The following WDR17 variants were observed in gnomAD, a reference collection of about 807,000 sequenced individuals.
WDR17 encodes the protein WD repeat domain 17, also known as WD repeat-containing protein 17.
WDR17 carries 143 observed loss-of-function variants against 161.7 expected under a neutral mutation model. That is an observed-to-expected ratio of 0.88 (90% CI 0.77 to 1.02). The LOEUF (loss-of-function observed/expected upper bound fraction) is 1.02. Ranked by LOEUF, WDR17 falls within the 50% of genes least tolerant of loss-of-function variation. The pLI, the probability that WDR17 is intolerant of heterozygous loss-of-function variation, is 0.00. For missense variants in WDR17, 1,469 were observed against 1,520.9 expected (o/e 0.97, Z 0.57); for synonymous variants, 517 against 515.6 (o/e 1.00, Z -0.04).
At position 176,125,200 on chromosome 4, in the gene WDR17, C is replaced by G. The variant is rs1449171828; in HGVS notation, c.635C>G (p.Thr212Ser). Residue 212 changes from threonine (T) to serine (S), a missense_variant, in exon 5 of 29, where the codon ACT becomes AGT. By Grantham distance (58) the Thr-to-Ser change is moderately conservative. Coordinates refer to ENST00000508596, the MANE Select transcript of WDR17 (RefSeq NM_181265.4). ...VTALEWDPLSTDYLLVVNLHY... is the reference protein window; with the variant it reads ...VTALEWDPLSSDYLLVVNLHY... ...GCCTTGGAATGGGACCCACTATCTACTGATTATCTTCTAGTGGTTAATTTG... is the reference window on the plus strand; with the variant it reads ...GCCTTGGAATGGGACCCACTATCTAGTGATTATCTTCTAGTGGTTAATTTG... The G allele has an allele frequency of 6.2e-7, 1 of 1,614,180 alleles. No homozygotes were observed. The highest frequency in any genetic ancestry group is 1.1e-5 in the South Asian group (1 of 91,090).
intron 1 of WDR17, among the ~76,000 whole-genome samples, chr4:176,100,842 ATCCTT>A (rs1207210339): frequency 2.6e-5 from 4 of 152,022 alleles, no homozygotes; most frequent in African/African-American, 9.7e-5. Flanking sequence ...TGAAAAGGGT[ATCCTT>A]TCCTCACTCT....
At chr4:176,075,717 T>G (rs1219691818) in intron 1 of WDR17, among the ~76,000 whole-genome samples, 3 of 152,034 alleles carry the variant, frequency 2.0e-5, no homozygotes, top group Non-Finnish European at 4.4e-5. Flanking sequence ...TATAGAGGAG[T>G]GAGATCAGCA....
intron 16 of WDR17, among the ~76,000 whole-genome samples, chr4:176,150,942 A>T (rs928332974): frequency 6.6e-6 from 1 of 152,208 alleles, no homozygotes; most frequent in African/African-American, 2.4e-5. Flanking sequence ...GTTTTATAAT[A>T]AATGATCATA....
intron 1 of WDR17, among the ~76,000 whole-genome samples, chr4:176,104,266 A>G (rs531259936): frequency 1.6e-3 from 249 of 152,214 alleles, no homozygotes; most frequent in African/African-American, 5.5e-3. Context: ...GAAATGCTCA[A>G]GGAAGTTCTG....
intron 28 of WDR17, 77 bp downstream of exon 28, chr4:176,177,731 C>A: frequency 1.4e-6 from 2 of 1,444,448 alleles, no homozygotes; most frequent in Non-Finnish European, 1.9e-6. Context: ...TTAAAATAAG[C>A]CTAATTTGGA....
chr4:176,150,718 G>A (rs765831551), intron 16 of WDR17, 125 bp downstream of exon 16: 1 of 945,248 alleles, frequency 1.1e-6, no homozygotes, highest in Non-Finnish European at 1.5e-6. Context: ...GAACACTGAG[G>A]AGATCCATCT....
At chr4:176,094,131 T>C (rs1291332128) in intron 1 of WDR17, among the ~76,000 whole-genome samples, 2 of 152,218 alleles carry the variant, frequency 1.3e-5, no homozygotes, top group African/African-American at 4.8e-5. Flanking sequence ...ATTTCTTAAG[T>C]GATTTTGTTT....
At chr4:176,121,056 C>T (rs1213530715) in intron 4 of WDR17, among the ~76,000 whole-genome samples, 2 of 152,098 alleles carry the variant, frequency 1.3e-5, no homozygotes, top group African/African-American at 4.8e-5. Context: ...TCATATGCTT[C>T]TTCCCCAGCT....
chr4:176,073,740 A>G (rs1024682584), intron 1 of WDR17, among the ~76,000 whole-genome samples: 3 of 150,406 alleles, frequency 2.0e-5, no homozygotes, highest in African/African-American at 7.3e-5. Flanking sequence ...AAGTGTTCCT[A>G]TTTCTCCACA....
intron 1 of WDR17, among the ~76,000 whole-genome samples, chr4:176,097,326 T>G (rs1444789728): frequency 1.3e-5 from 2 of 151,962 alleles, no homozygotes; most frequent in Non-Finnish European, 2.9e-5. Flanking sequence ...TTTACTAGAT[T>G]TTTCACCACT....
intron 3 of WDR17, among the ~76,000 whole-genome samples, chr4:176,116,687 A>G (rs73018059): frequency 0.018 from 2,753 of 152,004 alleles, 93 homozygotes; most frequent in African/African-American, 0.062. Context: ...TAAATTTGAG[A>G]TATAAAACTG....
rs1234615965 is a variant in WDR17 at position 176,142,057 on chromosome 4, G to A, written c.1517G>A (p.Ser506Asn). 2.5e-6 allele frequency: 4 copies of A among 1,608,718 alleles called. No individual in the cohort carries two copies. The highest frequency in any genetic ancestry group is 3.4e-6 in the Non-Finnish European group (4 of 1,177,364). Residue 506 changes from serine to asparagine, a missense_variant, in exon 11 of 29, where the codon AGC (serine) becomes AAC (asparagine). Physicochemically the swap from Ser to Asn is conservative, Grantham distance 46. Transcript: ENST00000508596. ...HPAAVFGCDW[S>N]QNNKDMIATG... ...GCTGCAGTGTTTGGTTGTGATTGGA[G>A]CCAAAACAATAAGTAAGTGGTTTTT... is the stretch of plus-strand genomic sequence containing the variant.
At chr4:176,166,175 C>A (rs552011495) in intron 22 of WDR17, 3 of 751,004 alleles carry the variant, frequency 4.0e-6, no homozygotes, top group African/African-American at 3.6e-5. Flanking sequence ...AGAACACATT[C>A]CTTTAAAATG....
chr4:176,114,215 C>T lies in WDR17; in HGVS notation c.124-1581C>T, dbSNP rs144309472. 6.6e-4 allele frequency among the ~76,000 whole-genome samples: 101 copies of T among 152,028 alleles called. No homozygotes were observed. In the East Asian group the frequency reaches 0.018, roughly 27 times the overall value. ...GCTGAATAATTTAAAACTTAAAAACCTATTTATTCCTAAATGTATAGAAAA... is the reference window on the plus strand; with the variant it reads ...GCTGAATAATTTAAAACTTAAAAACTTATTTATTCCTAAATGTATAGAAAA... On this transcript the variant is annotated intron_variant, in intron 2 of 28. Coordinates refer to ENST00000508596, the MANE Select transcript of WDR17 (RefSeq NM_181265.4).
At chr4:176,177,803 G>A (rs1751662191) in intron 28 of WDR17, 149 bp downstream of exon 28, 2 of 690,070 alleles carry the variant, frequency 2.9e-6, no homozygotes, top group Non-Finnish European at 4.6e-6. Flanking sequence ...TGCTTCCATA[G>A]TTAGTACAAG....
At chr4:176,177,235 C>G (rs1751577485) in intron 27 of WDR17, 79 bp downstream of exon 27, 4 of 1,275,856 alleles carry the variant, frequency 3.1e-6, no homozygotes, top group Non-Finnish European at 3.4e-6. Context: ...TATGTGTGGT[C>G]TCATTAATTT....
chr4:176,111,478 G>T, intron 1 of WDR17, 97 bp from the exon 2 acceptor site: 6 of 1,335,644 alleles, frequency 4.5e-6, no homozygotes, highest in Non-Finnish European at 6.0e-6. Flanking sequence ...TGTTTTTCAG[G>T]GCACACAGGT....
At chr4:176,130,617 A>T (rs566871893) in intron 6 of WDR17, among the ~76,000 whole-genome samples, 4 of 151,536 alleles carry the variant, frequency 2.6e-5, no homozygotes, top group African/African-American at 7.3e-5. Flanking sequence ...TGGTGGCAGG[A>T]GCCTGTAGTC....
At chr4:176,174,528 G>A in intron 25 of WDR17, 89 bp from the exon 26 acceptor site, 2 of 898,368 alleles carry the variant, frequency 2.2e-6, no homozygotes, top group Non-Finnish European at 3.2e-6. Context: ...TCACCTTTCA[G>A]AATATATAAA....
Sources: gnomAD v4.1 joint callset for allele counts (sites outside exome capture counted in the v4.1 genomes callset) on GRCh38, gnomAD v4.1.1 for gene constraint, MANE v1.5 for transcripts, NCBI Gene and HGNC (gene_info 2026-07-23, HGNC 2026-07-21) for gene names.